Variants in GCFC2 observed in about 807,000 individuals in gnomAD.
The protein encoded by GCFC2 is GC-rich sequence DNA-binding factor 2, also known as intron Large complex component GCFC2.
A neutral mutation model predicts 99.4 loss-of-function variants in GCFC2; 102 were observed. The ratio of observed to expected loss-of-function variants is 1.03; its 90% CI spans 0.87 to 1.21. GCFC2 has a LOEUF of 1.21. Ranked by LOEUF, GCFC2 falls within the 50% of genes most tolerant of loss-of-function variation. The pLI is 0.00. For synonymous variants in GCFC2, 338 were observed against 316.8 expected (o/e 1.07, Z -0.71); for missense variants, 973 against 920.9 (o/e 1.06, Z -0.73).
chr2:75,674,421 C>A (rs1235363129), intron 12 of GCFC2, among the ~76,000 whole-genome samples: 1 of 151,910 alleles, frequency 6.6e-6, no homozygotes, highest in African/African-American at 2.4e-5. Flanking sequence ...ACTACAGTAA[C>A]AGACAACTAT....
intron 12 of GCFC2, among the ~76,000 whole-genome samples, chr2:75,674,712 T>C (rs1056816328): frequency 6.6e-6 from 1 of 152,152 alleles, no homozygotes; most frequent in Non-Finnish European, 1.5e-5. Context: ...ACAGCACAAA[T>C]TCAACTGTCA....
At chr2:75,690,495 C>T (rs1206341509) in intron 8 of GCFC2, 143 bp downstream of exon 8, 2 of 602,490 alleles carry the variant, frequency 3.3e-6, no homozygotes, top group Non-Finnish European at 5.8e-6. Flanking sequence ...GGTGGTTTTA[C>T]TAAATTTTGC....
intron 1 of GCFC2, 94 bp from the exon 2 acceptor site, chr2:75,706,745 G>A (rs1432651020): frequency 3.3e-5 from 25 of 751,152 alleles, no homozygotes; most frequent in Admixed American, 2.3e-4. Context: ...TGTATAATAC[G>A]GTGTTTTAAT....
intron 1 of GCFC2, among the ~76,000 whole-genome samples, chr2:75,707,130 G>C (rs1018609965): frequency 6.6e-6 from 1 of 152,198 alleles, no homozygotes; most frequent in Non-Finnish European, 1.5e-5. Context: ...TCGGGCAGTG[G>C]AGAAGCAGGG....
chr2:75,683,777 A>AAAAAAAAAAAAAAAAG, intron 11 of GCFC2, among the ~76,000 whole-genome samples: 1 of 142,582 alleles, frequency 7.0e-6, no homozygotes, highest in Non-Finnish European at 1.6e-5. Flanking sequence ...AAAGCAAAAA[A>AAAAAAAAAAAAAAAAG]AAAAAAAAAA....
rs756582508 is a variant in GCFC2, at chr2:75,701,287, A to G, written c.620T>C (p.Ile207Thr). 7 of 1,576,696 alleles carry G rather than the reference A, an allele frequency of 4.4e-6. No homozygotes were observed. The South Asian group carries it at 5.6e-5, about 13-fold the overall frequency. The change falls in exon 4 of 17, where the codon ATA becomes ACA. Residue 207 changes from isoleucine (I) to threonine (T), a missense_variant and splice_region_variant. Physicochemically the swap from Ile to Thr is moderately conservative, Grantham distance 89. Transcript: ENST00000321027. ...TTCACTTGTTTCTTCATTTCTGCTT[A>G]CTAGCGGAAAAAAAGCTCACATGTA... is the stretch of plus-strand genomic sequence containing the variant. ...TLRQRMAEES[I>T]SRNEETSEES...
At chr2:75,675,071 C>A (rs1679277123) in intron 12 of GCFC2, among the ~76,000 whole-genome samples, 1 of 152,088 alleles carries the variant, frequency 6.6e-6, no homozygotes, top group Non-Finnish European at 1.5e-5. Context: ...CTGGCCTTGA[C>A]AAATGTTCCC....
At chr2:75,687,720 T>G in intron 11 of GCFC2, 107 bp downstream of exon 11, 1 of 884,304 alleles carries the variant, frequency 1.1e-6, no homozygotes, top group Non-Finnish European at 1.8e-6. Flanking sequence ...TAACATTTCC[T>G]TGAGATTAAA....
intron 1 of GCFC2, among the ~76,000 whole-genome samples, chr2:75,708,459 C>A (rs1680967830): frequency 6.7e-6 from 1 of 149,846 alleles, no homozygotes; most frequent in African/African-American, 2.5e-5. Context: ...AAGGTAAGAG[C>A]ACCCCAAATT....
At chr2:75,684,897 T>G (rs1679742989) in intron 11 of GCFC2, among the ~76,000 whole-genome samples, 1 of 152,196 alleles carries the variant, frequency 6.6e-6, no homozygotes, top group Non-Finnish European at 1.5e-5. Context: ...TGAGTTTATG[T>G]CCTTTGCAGG....
chr2:75,697,899 C>G (rs1680402776), intron 4 of GCFC2: 1 of 152,236 alleles, frequency 6.6e-6, no homozygotes. Context: ...AATGGATTCT[C>G]CTACAGAGTT....
chr2:75,698,254 T>C (rs979104160), intron 4 of GCFC2, among the ~76,000 whole-genome samples: 1 of 152,174 alleles, frequency 6.6e-6, no homozygotes, highest in Non-Finnish European at 1.5e-5. Flanking sequence ...AAAAATATAC[T>C]AAGTGCCATA....
intron 11 of GCFC2, among the ~76,000 whole-genome samples, chr2:75,683,771 C>CAAAAAAAAAAAAAAAAAAAAGAAAAAA (rs1679684931): frequency 3.3e-5 from 2 of 60,424 alleles, no homozygotes; most frequent in Non-Finnish European, 6.1e-5. Context: ...AAATGGAAAG[C>CAAAAAAAAAAAAAAAAAAAAGAAAAAA]AAAAAAAAAA....
rs111483357 is a variant in GCFC2, at chr2:75,696,757, T to C, written c.718-442A>G. 3.2e-3 allele frequency among the ~76,000 whole-genome samples: 490 copies of C among 152,280 alleles called. 3 individuals are homozygous for C. Among genetic ancestry groups the C allele is most frequent in the African/African-American group, 0.011 (464 of 41,572 alleles). ...AAATGGAAGTGTGCTGGAGGGTTTG[T>C]AGGTAAAGTTTTTACTTTTCTTTAA... On this transcript the variant is annotated intron_variant, in intron 4 of 16. Transcript: ENST00000321027.
At chr2:75,688,929 A>G in intron 10 of GCFC2, 97 bp downstream of exon 10, 1 of 681,672 alleles carries the variant, frequency 1.5e-6, no homozygotes, top group Admixed American at 2.8e-5. Flanking sequence ...TTCAGCTCCG[A>G]CTCTAAGGGT....
chr2:75,674,185 A>G (rs1185028062), intron 12 of GCFC2, among the ~76,000 whole-genome samples: 1 of 152,166 alleles, frequency 6.6e-6, no homozygotes, highest in East Asian at 1.9e-4. Flanking sequence ...GCTTGCCAAC[A>G]TTGCTATTTT....
At chr2:75,699,742 G>A (rs1398782881) in intron 4 of GCFC2, among the ~76,000 whole-genome samples, 33 of 151,474 alleles carry the variant, frequency 2.2e-4, no homozygotes, top group Admixed American at 2.2e-3. Flanking sequence ...TGCCTGGCTA[G>A]TTTTATTTGT....
At chr2:75,707,895 C>T (rs949950650) in intron 1 of GCFC2, among the ~76,000 whole-genome samples, 3 of 152,114 alleles carry the variant, frequency 2.0e-5, no homozygotes, top group Non-Finnish European at 4.4e-5. Flanking sequence ...AGAAAAAAGC[C>T]AGTTGCTCTT....
chr2:75,672,710 G>A (rs1422028951), intron 13 of GCFC2, among the ~76,000 whole-genome samples: 1 of 152,152 alleles, frequency 6.6e-6, no homozygotes, highest in East Asian at 1.9e-4. Context: ...CTCTGTGCTA[G>A]GCCCTGTTGT....
Sources: allele counts gnomAD v4.1 joint callset (sites outside exome capture counted in the v4.1 genomes callset), GRCh38; gene constraint gnomAD v4.1.1; transcripts MANE v1.5; gene names NCBI Gene and HGNC (gene_info 2026-07-23, HGNC 2026-07-21).